Variants in ANK2 observed in about 807,000 individuals in gnomAD.
The protein encoded by ANK2 is ankyrin-2.
Under a neutral mutation model 360.5 loss-of-function variants are expected in ANK2, and 83 were observed. The ratio of observed to expected loss-of-function variants is 0.23; its 90% confidence interval spans 0.19 to 0.28. The LOEUF (loss-of-function observed/expected upper bound fraction) is 0.28, where lower values mean the gene tolerates loss of function less well. ANK2 is among the 10% of genes least tolerant of loss of function. ANK2 has a pLI of 1.00. For synonymous variants in ANK2, 1,740 were observed against 1,759.5 expected (o/e 0.99, Z 0.28); for missense variants, 4,201 against 4,795.7 (o/e 0.88, Z 3.66).
At chr4:113,324,056 G>A (rs957076130) in intron 26 of ANK2, among the ~76,000 whole-genome samples, 7 of 152,164 alleles carry the variant, frequency 4.6e-5, no homozygotes, top group Admixed American at 3.9e-4. Context: ...TCTTGGTCAT[G>A]GGTCTCCACA....
chr4:113,146,376 A>G (rs1176876076), intron 1 of ANK2, among the ~76,000 whole-genome samples: 1 of 152,158 alleles, frequency 6.6e-6, no homozygotes, highest in East Asian at 1.9e-4. Flanking sequence ...CTATTTATTC[A>G]TGTATAGTTC....
At chr4:113,198,707 G>A (rs1287969575) in intron 3 of ANK2, among the ~76,000 whole-genome samples, 2 of 151,916 alleles carry the variant, frequency 1.3e-5, no homozygotes, top group Non-Finnish European at 2.9e-5. Context: ...TAAATTGCAT[G>A]AATCTCATGA....
chr4:113,324,989 A>T (rs761611716), intron 26 of ANK2, among the ~76,000 whole-genome samples: 1 of 152,154 alleles, frequency 6.6e-6, no homozygotes, highest in African/African-American at 2.4e-5. Flanking sequence ...TAGCTAATCA[A>T]ATTGTGTATT....
chr4:113,373,058 A>T (rs1397252625), intron 43 of ANK2, 32 bp from the exon 44 acceptor site: 2 of 1,580,956 alleles, frequency 1.3e-6, no homozygotes, highest in African/African-American at 1.3e-5. Flanking sequence ...GGTGCCAAAC[A>T]CCACAGTGAC....
chr4:112,850,290 A>ATCTG (rs2064412513), intron 1 of ANK2, among the ~76,000 whole-genome samples: 1 of 135,164 alleles, frequency 7.4e-6, no homozygotes, highest in Non-Finnish European at 1.6e-5. Flanking sequence ...CTATCTATCT[A>ATCTG]TCTATCTATC....
chr4:112,788,237 G>C, the ANK2 span: 1 of 1,590,358 alleles, frequency 6.3e-7, no homozygotes, highest in Non-Finnish European at 8.5e-7. Context: ...CACCAGCTTA[G>C]CCAAAGCGCC....
chr4:113,369,866 C>T (rs940925035), intron 43 of ANK2, 61 bp downstream of exon 43: 16 of 1,607,566 alleles, frequency 1.0e-5, no homozygotes, highest in Non-Finnish European at 1.4e-5. Context: ...CTTCCAGTTT[C>T]CATTTCTATG....
chr4:113,302,982 A>G (rs540840222), intron 23 of ANK2, 143 bp downstream of exon 23: 18 of 783,234 alleles, frequency 2.3e-5, no homozygotes, highest in Middle Eastern at 3.2e-4. Flanking sequence ...GTTTCAATAC[A>G]TTTACTTTTG....
chr4:112,826,812 C>CA (rs1363195061), intron 1 of ANK2: 15 of 1,204,954 alleles, frequency 1.2e-5, no homozygotes, highest in Middle Eastern at 2.2e-4. Context: ...ATCTTCTACT[C>CA]AAAAAAATAA....
At chr4:112,977,398 T>C (rs2041791344) in intron 2 of ANK2, among the ~76,000 whole-genome samples, 1 of 152,100 alleles carries the variant, frequency 6.6e-6, no homozygotes, top group Non-Finnish European at 1.5e-5. Flanking sequence ...TTTATATTAA[T>C]TTTAAGATAT....
chr4:112,782,079 C>T, the ANK2 span, among the ~76,000 whole-genome samples: 5 of 152,166 alleles, frequency 3.3e-5, no homozygotes, highest in South Asian at 2.1e-4. Flanking sequence ...CCGCCAGTCT[C>T]GGCCTCCCAA....
intron 1 of ANK2, among the ~76,000 whole-genome samples, chr4:113,080,488 A>G (rs1193821200): frequency 6.6e-6 from 1 of 152,244 alleles, no homozygotes; most frequent in Non-Finnish European, 1.5e-5. Context: ...AAATAATAAA[A>G]GAGAATATAA....
At chr4:113,127,248 T>C (rs1190987402) in intron 1 of ANK2, among the ~76,000 whole-genome samples, 1 of 152,152 alleles carries the variant, frequency 6.6e-6, no homozygotes, top group African/African-American at 2.4e-5. Flanking sequence ...TATATATAAT[T>C]CAGGGTATTG....
intron 2 of ANK2, among the ~76,000 whole-genome samples, chr4:113,023,596 G>T (rs924155213): frequency 6.6e-6 from 1 of 152,122 alleles, no homozygotes. Flanking sequence ...CACCACCTCT[G>T]CCATAAGATA....
rs953222480 is a variant in ANK2, at chr4:113,369,562, A to G, written c.11367A>G (p.Ile3789Met). ...TETSETQKAM[I>M]VPSSPSKTPE... is the part of the protein sequence containing the mutation. ...CATCAGAGACTCAGAAGGCTATGAT[A>G]GTACCCAGCTCTCCCAGCAAGACAC... Residue 3789 changes from isoleucine (I) to methionine (M), a missense_variant, in exon 43 of 46, where the codon ATA becomes ATG. Ile to Met is a conservative substitution (Grantham distance 10). Around this residue, in one of 4 missense-constraint regions of ANK2, gnomAD observed 2,642 missense variants for 2,714.5 expected, o/e 0.97. Transcript: ENST00000357077. The G allele has an allele frequency of 1.9e-6, 3 of 1,613,090 alleles. No homozygotes were observed. In the African/African-American group the frequency reaches 4.0e-5, roughly 22 times the overall value.
chr4:112,874,763 C>T (rs1216183378), intron 1 of ANK2, among the ~76,000 whole-genome samples: 1 of 151,142 alleles, frequency 6.6e-6, no homozygotes, highest in East Asian at 2.0e-4. Flanking sequence ...GAAATGTTTG[C>T]TTGGTGAATG....
the ANK2 span, chr4:112,788,802 T>G: frequency 8.3e-7 from 1 of 1,210,872 alleles, no homozygotes; most frequent in Non-Finnish European, 1.2e-6. Context: ...ATTCACCACT[T>G]TCTTAGCCTC....
chr4:112,853,941 A>G (rs1214755457), intron 1 of ANK2, among the ~76,000 whole-genome samples: 1 of 152,222 alleles, frequency 6.6e-6, no homozygotes, highest in African/African-American at 2.4e-5. Context: ...ATCTCCAACT[A>G]CATGCTAGGA....
intron 2 of ANK2, among the ~76,000 whole-genome samples, chr4:112,906,314 G>C (rs1001075197): frequency 2.6e-5 from 4 of 152,288 alleles, no homozygotes; most frequent in African/African-American, 9.6e-5. Flanking sequence ...TAGAGAAGCA[G>C]GGGTAGAAAC....
Sources: allele counts gnomAD v4.1 joint callset (sites outside exome capture counted in the v4.1 genomes callset), GRCh38; gene constraint gnomAD v4.1.1; regional missense constraint gnomAD v4.1.1; transcripts MANE v1.5; gene names NCBI Gene and HGNC (gene_info 2026-07-23, HGNC 2026-07-21).